Variants in MAPK8IP1 observed in about 807,000 individuals in gnomAD.
MAPK8IP1 encodes the protein C-Jun-amino-terminal kinase-interacting protein 1.
MAPK8IP1 carries 17 observed loss-of-function variants against 72.6 expected under a neutral mutation model. The observed-to-expected ratio is 0.23, with a 90% confidence interval of 0.16 to 0.35. The LOEUF is 0.35. Among genes scored for constraint, MAPK8IP1 ranks in the 10% least tolerant of loss-of-function variants. The pLI is 1.00. For synonymous variants in MAPK8IP1, 401 were observed against 443.4 expected (o/e 0.90, Z 1.20); for missense variants, 789 against 1,009.7 (o/e 0.78, Z 2.96).
At position 45,885,665 on chromosome 11, in the gene MAPK8IP1, T is replaced by C. The variant is rs2086520020; in HGVS notation, c.-156T>C. 1 of 297,844 alleles carries C rather than the reference T, an allele frequency of 3.4e-6. No individual in the cohort carries two copies. Among genetic ancestry groups the C allele is most frequent in the Non-Finnish European group, 6.1e-6 (1 of 165,070 alleles). 18.5% of individuals were successfully genotyped at this position (297,844 alleles called of 1,614,324 possible). A position where few individuals can be genotyped will look rare whatever the true frequency, so the allele number is the denominator to read the frequency against. On this transcript the variant is annotated 5_prime_UTR_variant, in exon 1 of 12. Transcript: ENST00000241014. ...GCGCTCTCGCCAGTCCCGCGGGCCG[T>C]GCGCGGTGCTGTGCCGCGCCCTGCC...
intron 3 of MAPK8IP1, among the ~76,000 whole-genome samples, chr11:45,901,122 C>A (rs2086650059): frequency 1.3e-5 from 2 of 152,100 alleles, no homozygotes; most frequent in Admixed American, 1.3e-4. Flanking sequence ...AGGCAAGGAG[C>A]TCCTGGGAGG....
Position 45,904,858 on chromosome 11 carries a change from T to C in MAPK8IP1, c.1893+24T>C, listed in dbSNP as rs2086691409. 2.2e-5 allele frequency: 35 copies of C among 1,611,992 alleles called. No individual in the cohort carries two copies. The highest frequency in any genetic ancestry group is 3.0e-5 in the Non-Finnish European group (35 of 1,178,112). ...AGGTGACTTCTTCCAACCCAGCCCCTTCCTTCCATGGCCCCAAGCTCTCCC... is the reference window on the plus strand; with the variant it reads ...AGGTGACTTCTTCCAACCCAGCCCCCTCCTTCCATGGCCCCAAGCTCTCCC... On this transcript the variant is annotated intron_variant, in intron 9 of 11. Coordinates refer to ENST00000241014, the MANE Select transcript of MAPK8IP1 (RefSeq NM_005456.4). This position sits in a 1 kb window ranked among gnomAD's most constrained non-coding sequence, Gnocchi z 6.4.
chr11:45,896,947 GC>G, intron 1 of MAPK8IP1: 15 of 1,571,404 alleles, frequency 9.5e-6, no homozygotes, highest in Non-Finnish European at 1.3e-5. Context: ...CAATGGGAGC[GC>G]TGGTAGGGGC....
At position 45,903,834 on chromosome 11, in the gene MAPK8IP1, T is replaced by C. The variant is rs2134677816; in HGVS notation, c.1494-155T>C. 6.6e-6 allele frequency among the ~76,000 whole-genome samples: 1 copy of C among 152,306 alleles called. No individual in the cohort carries two copies. The highest frequency in any genetic ancestry group is 1.5e-5 in the Non-Finnish European group (1 of 68,022). On this transcript the variant is annotated intron_variant, in intron 6 of 11. Transcript: ENST00000241014. The surrounding 1 kb of genome is among the most constrained non-coding windows in gnomAD (Gnocchi z 6.4). ...TGGCAGATGCATGTCTGCTTGACCT[T>C]GCTCTCCCCTGGGGTTAGTACTGCA...
In MAPK8IP1 at chr11:45,905,169, C is replaced by T; in HGVS notation, c.1983C>T (p.Thr661=). The part of the protein sequence containing the change: ...PKNNKYFGFI[T]KHPADHRFAC... Reference sequence around the variant, plus strand: ...CCTGCAGGTACTTTGGGTTCATCACCAAGCACCCCGCCGACCACCGGTTTG... The same window carrying T: ...CCTGCAGGTACTTTGGGTTCATCACTAAGCACCCCGCCGACCACCGGTTTG... The change falls in exon 11 of 12, where the codon ACC becomes ACT. Residue 661 remains threonine (T), a synonymous_variant. Coordinates refer to ENST00000241014, the MANE Select transcript of MAPK8IP1 (RefSeq NM_005456.4). The T allele has an allele frequency of 1.9e-6, 3 of 1,613,446 alleles. No individual in the cohort carries two copies. In the South Asian group the frequency reaches 3.3e-5, roughly 18 times the overall value.
intron 1 of MAPK8IP1, among the ~76,000 whole-genome samples, chr11:45,888,347 G>A (rs1296610952): frequency 5.3e-5 from 8 of 152,180 alleles, no homozygotes; most frequent in Non-Finnish European, 7.4e-5. Flanking sequence ...AGTTTCCTAT[G>A]TGCAAGAGTA....
intron 1 of MAPK8IP1, among the ~76,000 whole-genome samples, chr11:45,887,083 G>A (rs563063671): frequency 6.6e-6 from 1 of 152,304 alleles, no homozygotes; most frequent in South Asian, 2.1e-4. Context: ...CTCTGATAAT[G>A]CCTTAGACTG....
intron 3 of MAPK8IP1, among the ~76,000 whole-genome samples, chr11:45,901,624 G>A (rs921783812): frequency 6.6e-5 from 10 of 152,252 alleles, no homozygotes; most frequent in African/African-American, 1.9e-4. Flanking sequence ...GGGACTGGGG[G>A]TCTGACTGTG....
chr11:45,903,221 C>A lies in MAPK8IP1; in HGVS notation c.1417+37C>A. On this transcript the variant is annotated intron_variant, in intron 5 of 11. Coordinates refer to ENST00000241014, the MANE Select transcript of MAPK8IP1 (RefSeq NM_005456.4). This position sits in a 1 kb window ranked among gnomAD's most constrained non-coding sequence, Gnocchi z 6.4. ...AGGGGAAGCAGTGGGGTGGGGGGGT[C>A]CCTAGCGGGGGCAGAGCCAAAATGC... 1 of 1,590,570 alleles carries A rather than the reference C, an allele frequency of 6.3e-7. No individual in the cohort carries two copies.
chr11:45,894,645 A>G lies in MAPK8IP1; in HGVS notation c.102-3440A>G, dbSNP rs2086590443. Among the ~76,000 whole-genome samples the G allele has an allele frequency of 2.0e-5, 3 of 152,192 alleles. No individual in the cohort carries two copies. In the South Asian group the frequency reaches 6.2e-4, roughly 32 times the overall value. On this transcript the variant is annotated intron_variant, in intron 1 of 11. Coordinates refer to ENST00000241014, the MANE Select transcript of MAPK8IP1 (RefSeq NM_005456.4). ...GCCCTGCTCCAGCCTGCAGTTCGAGAGGAGCAGGTGGAGGCAGAGGCTGTC... is the reference window on the plus strand; with the variant it reads ...GCCCTGCTCCAGCCTGCAGTTCGAGGGGAGCAGGTGGAGGCAGAGGCTGTC...
At chr11:45,901,200 G>A (rs2086650718) in intron 3 of MAPK8IP1, among the ~76,000 whole-genome samples, 2 of 152,138 alleles carry the variant, frequency 1.3e-5, no homozygotes, top group African/African-American at 4.8e-5. Flanking sequence ...GCTTTTGGCA[G>A]CCCGGCTCAG....
At position 45,902,678 on chromosome 11, in the gene MAPK8IP1, A is replaced by G; in HGVS notation, c.911A>G (p.Glu304Gly). The G allele has an allele frequency of 6.2e-7, 1 of 1,611,818 alleles. No individual in the cohort carries two copies. Among genetic ancestry groups the G allele is most frequent in the Non-Finnish European group, 8.5e-7 (1 of 1,179,916 alleles). The change falls in exon 5 of 12, where the codon GAG (glutamate) becomes GGG (glycine). Residue 304 changes from glutamate (E) to glycine (G), a missense_variant. This residue lies in a region of MAPK8IP1 where 377 missense variants were observed against 411.7 expected (regional missense o/e 0.92). Transcript: ENST00000241014. The surrounding 1 kb of genome is among the most constrained non-coding windows in gnomAD (Gnocchi z 9.3). Reference sequence around the variant, plus strand: ...ACCTCCGCCTTCCTGCCGCCCACTGAGAGCCGGATGTCAGTCAGCTCCGAT... The same window carrying G: ...ACCTCCGCCTTCCTGCCGCCCACTGGGAGCCGGATGTCAGTCAGCTCCGAT... ...EPTSAFLPPT[E>G]SRMSVSSDPD...
At position 45,900,646 on chromosome 11, in the gene MAPK8IP1, G is replaced by C. The variant is rs1166571684; in HGVS notation, c.522+194G>C. ...GAACCATCCTTACGAAGAGGGGGCTGAGTCCAGCTGGCCGGGCTTGGAGCC... is the reference window on the plus strand; with the variant it reads ...GAACCATCCTTACGAAGAGGGGGCTCAGTCCAGCTGGCCGGGCTTGGAGCC... On this transcript the variant is annotated intron_variant, in intron 3 of 11. Transcript: ENST00000241014. The surrounding 1 kb of genome is among the most constrained non-coding windows in gnomAD (Gnocchi z 6.5). Among the ~76,000 whole-genome samples, 3 of 152,226 alleles carry C rather than the reference G, an allele frequency of 2.0e-5. No individual in the cohort carries two copies. The highest frequency in any genetic ancestry group is 4.4e-5 in the Non-Finnish European group (3 of 68,032).
chr11:45,904,576 C>A lies in MAPK8IP1; in HGVS notation c.1776+12C>A. 6.2e-7 allele frequency: 1 copy of A among 1,612,684 alleles called. No homozygotes were observed. Among genetic ancestry groups the A allele is most frequent in the Non-Finnish European group, 8.5e-7 (1 of 1,178,688 alleles). ...CTGCTATGCAAAAGGTACCTGAGCCCTCTCCCTTCTCCTCCCTTGGATGGG... is the reference window on the plus strand; with the variant it reads ...CTGCTATGCAAAAGGTACCTGAGCCATCTCCCTTCTCCTCCCTTGGATGGG... On this transcript the variant is annotated intron_variant, in intron 8 of 11. Transcript: ENST00000241014. The surrounding 1 kb of genome is among the most constrained non-coding windows in gnomAD (Gnocchi z 6.4).
chr11:45,892,813 C>A (rs2086577157), intron 1 of MAPK8IP1, among the ~76,000 whole-genome samples: 1 of 152,188 alleles, frequency 6.6e-6, no homozygotes, highest in African/African-American at 2.4e-5. Context: ...GTGACCAGAC[C>A]AGATTTGTAA....
chr11:45,905,622 G>C, intron 11 of MAPK8IP1, 27 bp from the exon 12 acceptor site: 1 of 1,605,044 alleles, frequency 6.2e-7, no homozygotes, highest in African/African-American at 1.3e-5. Flanking sequence ...GGCGATCTGA[G>C]CCATCTGTGT....
chr11:45,903,857 G>A lies in MAPK8IP1; in HGVS notation c.1494-132G>A. 2.3e-6 allele frequency: 2 copies of A among 861,068 alleles called. No individual in the cohort carries two copies. The highest frequency in any genetic ancestry group is 4.9e-5 in the East Asian group (2 of 40,916). The allele number at this position is 861,068 out of a possible 1,614,324, so 53.3% of individuals were successfully genotyped here. On this transcript the variant is annotated intron_variant, in intron 6 of 11. Coordinates refer to ENST00000241014, the MANE Select transcript of MAPK8IP1 (RefSeq NM_005456.4). The surrounding 1 kb of genome is among the most constrained non-coding windows in gnomAD (Gnocchi z 6.4). ...CTTGCTCTCCCCTGGGGTTAGTACTGCAACAGGCACACAGGATGCTTTTGC... is the reference window on the plus strand; with the variant it reads ...CTTGCTCTCCCCTGGGGTTAGTACTACAACAGGCACACAGGATGCTTTTGC...
In MAPK8IP1 at chr11:45,902,574, C is replaced by T. The variant is rs1171547806; in HGVS notation, c.807C>T (p.Tyr269=). ...RGHSHRDRIH[Y]QADVRLEATE... The stretch of plus-strand genomic sequence containing the variant: ...ACTCGCATCGAGACCGAATCCACTA[C>T]CAGGCCGATGTGCGACTAGAGGCCA... The change falls in exon 5 of 12, where the codon TAC becomes TAT. Residue 269 remains tyrosine (Y), a synonymous_variant. Transcript: ENST00000241014. This position sits in a 1 kb window ranked among gnomAD's most constrained non-coding sequence, Gnocchi z 9.3. 4 of 1,612,682 alleles carry T rather than the reference C, an allele frequency of 2.5e-6. No individual in the cohort carries two copies. The highest frequency in any genetic ancestry group is 3.4e-6 in the Non-Finnish European group (4 of 1,179,892).
intron 1 of MAPK8IP1, among the ~76,000 whole-genome samples, chr11:45,894,325 G>T (rs2086587478): frequency 6.6e-6 from 1 of 151,924 alleles, no homozygotes; most frequent in Non-Finnish European, 1.5e-5. Context: ...CTGATATGGT[G>T]ATCATTCTTC....
Sources: gnomAD v4.1 joint callset for allele counts (sites outside exome capture counted in the v4.1 genomes callset) on GRCh38, gnomAD v4.1.1 for gene constraint, gnomAD v4.1.1 regional missense constraint, Gnocchi (gnomAD v3.1) non-coding constraint, MANE v1.5 for transcripts, NCBI Gene and HGNC (gene_info 2026-07-23, HGNC 2026-07-21) for gene names.